Variants in KCNH2 observed in about 807,000 individuals in gnomAD.
KCNH2 encodes the protein potassium voltage-gated channel subfamily H member 2.
A neutral mutation model predicts 95.9 loss-of-function variants in KCNH2; 35 were observed. The observed-to-expected ratio is 0.37, with a 90% CI of 0.28 to 0.48. KCNH2 has a LOEUF of 0.48. KCNH2 is among the 20% of genes least tolerant of loss of function. The pLI, the probability that KCNH2 is intolerant of heterozygous loss-of-function variation, is 0.99. For synonymous variants in KCNH2, 786 were observed against 754.7 expected, an observed-to-expected ratio of 1.04 and a Z score of -0.68; for missense variants, 1,274 against 1,702.9, an observed-to-expected ratio of 0.75 and a Z score of 4.43.
chr7:150,947,717 G>T lies in KCNH2; in HGVS notation c.2854C>A (p.Pro952Thr), dbSNP rs753735368. The change falls in exon 12 of 15, where the codon CCC becomes ACC. Residue 952 changes from proline to threonine, a missense_variant. Physicochemically the swap from Pro to Thr is conservative, Grantham distance 38. Around this residue, in one of 7 missense-constraint regions of KCNH2, gnomAD observed 457 missense variants for 416.1 expected, o/e 1.10. Coordinates refer to ENST00000262186, the MANE Select transcript of KCNH2 (RefSeq NM_000238.4). The stretch of plus-strand genomic sequence containing the variant: ...CTGGAGAAGGGCACCAGGCGGAGGG[G>T]GCTGGAGCTGCGGCCTGGGCCCTCA... Reference protein sequence around the residue: ...EDEGPGRSSSPLRLVPFSSPR... With the variant: ...EDEGPGRSSSTLRLVPFSSPR... 6.3e-7 allele frequency: 1 copy of T among 1,577,626 alleles called. No individual in the cohort carries two copies. The highest frequency in any genetic ancestry group is 1.8e-5 in the Admixed American group (1 of 55,172).
At chr7:150,966,774 T>C (rs930471367) in intron 2 of KCNH2, among the ~76,000 whole-genome samples, 1 of 152,192 alleles carries the variant, frequency 6.6e-6, no homozygotes, top group South Asian at 2.1e-4. Context: ...AAGAACCCTG[T>C]TGGAGTCGGG....
intron 2 of KCNH2, among the ~76,000 whole-genome samples, chr7:150,963,428 A>G (rs1801620920): frequency 6.6e-6 from 1 of 152,160 alleles, no homozygotes; most frequent in Non-Finnish European, 1.5e-5. Flanking sequence ...GGCCTAAGAT[A>G]TGTGAAGCTC....
intron 5 of KCNH2, among the ~76,000 whole-genome samples, chr7:150,954,392 A>G (rs1485486060): frequency 6.6e-6 from 1 of 152,148 alleles, no homozygotes; most frequent in African/African-American, 2.4e-5. Context: ...AGGTGTCAGG[A>G]CCACCCCTAA....
At chr7:150,965,394 C>A (rs544592757) in intron 2 of KCNH2, among the ~76,000 whole-genome samples, 1 of 152,186 alleles carries the variant, frequency 6.6e-6, no homozygotes, top group Admixed American at 6.5e-5. Flanking sequence ...CTCTGGGGCC[C>A]GGCTCTGCCT....
At chr7:150,948,765 G>C (rs1466217941) in intron 10 of KCNH2, 91 bp downstream of exon 10, 9 of 1,248,904 alleles carry the variant, frequency 7.2e-6, no homozygotes, top group East Asian at 7.2e-5. Context: ...AACTGAGACA[G>C]AGAAGCATCA....
chr7:150,947,806 C>G lies in KCNH2; in HGVS notation c.2765G>C (p.Arg922Pro), dbSNP rs199473439. 1.3e-6 allele frequency: 2 copies of G among 1,530,800 alleles called. No homozygotes were observed. The highest frequency in any genetic ancestry group is 1.7e-6 in the Non-Finnish European group (2 of 1,143,692). 94.8% of individuals were successfully genotyped at this position (1,530,800 alleles called of 1,614,324 possible). ...RAGAGPSSRG[R>P]PGGPWGESPS... ...GCTCTCCCCCCACGGCCCCCCCGGC[C>G]GGCCCCGGCTACTCGGCCCTGCCCC... is the stretch of plus-strand genomic sequence containing the variant. Residue 922 changes from arginine (R) to proline (P), a missense_variant, in exon 12 of 15, where the codon CGG (arginine) becomes CCG (proline). Physicochemically the swap from Arg to Pro is moderately radical, Grantham distance 103 (BLOSUM62 -2). This residue lies in a region of KCNH2 where 457 missense variants were observed against 416.1 expected (regional missense o/e 1.10). Transcript: ENST00000262186.
In KCNH2 at chr7:150,952,903, G is replaced by A. The variant is rs780198750; in HGVS notation, c.1129-50C>T. On this transcript the variant is annotated intron_variant, in intron 5 of 14. Transcript: ENST00000262186. This position sits in a 1 kb window ranked among gnomAD's most constrained non-coding sequence, Gnocchi z 7.3. ...TGGGTGAGGCAGGCCATGGGACCTC[G>A]GGGGCAGGAGCGATGACATCTCTGC... 2.9e-5 allele frequency: 45 copies of A among 1,568,832 alleles called. No individual in the cohort carries two copies. The highest frequency in any genetic ancestry group is 1.1e-4 in the South Asian group (10 of 90,008).
chr7:150,959,576 G>C lies in KCNH2; in HGVS notation c.468C>G (p.Ala156=). Residue 156 remains alanine, a synonymous_variant, in exon 3 of 15, where the codon GCC becomes GCG. Transcript: ENST00000262186. ...CCCTAAAGCAAGTACACTTACCTGG[G>C]GCCAGCCAGCTGGTGGGGGGGCCCC... ...NHRGPPTSWL[A]PGRAKTFRLK... The C allele has an allele frequency of 6.2e-7, 1 of 1,614,058 alleles. No homozygotes were observed. Among genetic ancestry groups the C allele is most frequent in the African/African-American group, 1.3e-5 (1 of 75,048 alleles).
Position 150,947,692 on chromosome 7 carries a change from C to T in KCNH2, c.2879G>A (p.Ser960Asn), listed in dbSNP as rs199473013. ...SSPLRLVPFS[S>N]PRPPGEPPGG... ...CGGCGGCTCTCCGGGGGGCCTGGGG[C>T]TGGAGAAGGGCACCAGGCGGAGGGG... The change falls in exon 12 of 15, where the codon AGC becomes AAC. Residue 960 changes from serine (S) to asparagine (N), a missense_variant. Transcript: ENST00000262186. 6.3e-7 allele frequency: 1 copy of T among 1,597,948 alleles called. No individual in the cohort carries two copies. Among genetic ancestry groups the T allele is most frequent in the South Asian group, 1.1e-5 (1 of 88,928 alleles).
rs78690808 is a variant in KCNH2, at chr7:150,957,069, T to C, written c.1128+222A>G. ...CCTCCGCTCTGCCATTCCCAGCCCTTTACCAGACCTCTCCAGTCCCCTCTC... is the reference window on the plus strand; with the variant it reads ...CCTCCGCTCTGCCATTCCCAGCCCTCTACCAGACCTCTCCAGTCCCCTCTC... On this transcript the variant is annotated intron_variant, in intron 5 of 14. Transcript: ENST00000262186. Among the ~76,000 whole-genome samples, 863 of 152,180 alleles carry C rather than the reference T, an allele frequency of 5.7e-3. 6 individuals are homozygous for C. Among genetic ancestry groups the C allele is most frequent in the Non-Finnish European group, 9.9e-3 (670 of 67,988 alleles).
In KCNH2 at chr7:150,946,260, G is replaced by C. The variant is rs547084567; in HGVS notation, c.3330+617C>G. Among the ~76,000 whole-genome samples, 2 of 152,288 alleles carry C rather than the reference G, an allele frequency of 1.3e-5. No individual in the cohort carries two copies. The highest frequency in any genetic ancestry group is 4.1e-4 in the South Asian group (2 of 4,828). On this transcript the variant is annotated intron_variant, in intron 14 of 14. Transcript: ENST00000262186. The surrounding 1 kb of genome is among the most constrained non-coding windows in gnomAD (Gnocchi z 6.5). ...GAACATGCAGGTCCACCCAGGAGAG[G>C]ACAAGGGGCAACTAAGGCCCATCTC...
intron 5 of KCNH2, chr7:150,955,902 G>T: frequency 2.1e-6 from 2 of 939,144 alleles, no homozygotes; most frequent in Non-Finnish European, 2.5e-6. Context: ...CCAGCCAGCG[G>T]CCCCCTCCCC....
At chr7:150,957,542 GC>G in intron 4 of KCNH2, 40 bp from the exon 5 acceptor site, 3 of 1,517,036 alleles carry the variant, frequency 2.0e-6, no homozygotes, top group Non-Finnish European at 2.7e-6. Context: ...GCAGCCCAGG[GC>G]CCCAGGCCAG....
intron 2 of KCNH2, among the ~76,000 whole-genome samples, chr7:150,973,484 T>C (rs979536699): frequency 2.0e-5 from 3 of 152,226 alleles, no homozygotes; most frequent in Non-Finnish European, 4.4e-5. Flanking sequence ...GTCTAGCCCC[T>C]AGAAACCATC....
intron 2 of KCNH2, among the ~76,000 whole-genome samples, chr7:150,970,771 G>A (rs1563185292): frequency 6.6e-6 from 1 of 152,204 alleles, no homozygotes; most frequent in African/African-American, 2.4e-5. Context: ...TAGGAACACC[G>A]CTGTCCCCAT....
At chr7:150,963,459 C>T (rs908892206) in intron 2 of KCNH2, among the ~76,000 whole-genome samples, 1 of 152,122 alleles carries the variant, frequency 6.6e-6, no homozygotes, top group Middle Eastern at 3.2e-3. Flanking sequence ...TTGAGGTCAC[C>T]ATAAGCTTGA....
In KCNH2 at chr7:150,945,579, G is replaced by A; in HGVS notation, c.3331-65C>T. The A allele has an allele frequency of 1.3e-6, 2 of 1,509,512 alleles. No homozygotes were observed. Among genetic ancestry groups the A allele is most frequent in the Non-Finnish European group, 9.0e-7 (1 of 1,108,822 alleles). 93.5% of individuals were successfully genotyped at this position (1,509,512 alleles called of 1,614,324 possible). A position where few individuals can be genotyped will look rare whatever the true frequency, so the allele number is the denominator to read the frequency against. On this transcript the variant is annotated intron_variant, in intron 14 of 14. Transcript: ENST00000262186. The surrounding 1 kb of genome is among the most constrained non-coding windows in gnomAD (Gnocchi z 5.6). ...GGAGGAGGAGGAAGGGGAGGGAAAG[G>A]GGCAGGAGAACCCGGGGACAGAGGA...
Position 150,952,289 on chromosome 7 carries a change from T to TC in KCNH2, c.1557+135dup. ...TGCAGCTGCCTTGCCACCATGTCTC[T>TC]CTCCCACTGTCTTTCTCTCTTTCTC... On this transcript the variant is annotated intron_variant, in intron 6 of 14. Coordinates refer to ENST00000262186, the MANE Select transcript of KCNH2 (RefSeq NM_000238.4). This position sits in a 1 kb window ranked among gnomAD's most constrained non-coding sequence, Gnocchi z 7.3. 6.8e-6 allele frequency: 7 copies of TC among 1,023,592 alleles called. No individual in the cohort carries two copies. Among genetic ancestry groups the TC allele is most frequent in the Non-Finnish European group, 8.8e-6 (6 of 682,724 alleles). 63.4% of individuals were successfully genotyped at this position (1,023,592 alleles called of 1,614,324 possible).
rs946598156 is a variant in KCNH2 at position 150,946,317 on chromosome 7, C to T, written c.3330+560G>A. The stretch of plus-strand genomic sequence containing the variant: ...AGGGGGCAAAGCAGGCCCAGGAAGT[C>T]CTCCCCTGGAGGCTTGGCCTCTGCA... On this transcript the variant is annotated intron_variant, in intron 14 of 14. Coordinates refer to ENST00000262186, the MANE Select transcript of KCNH2 (RefSeq NM_000238.4). The surrounding 1 kb of genome is among the most constrained non-coding windows in gnomAD (Gnocchi z 6.5). Among the ~76,000 whole-genome samples, 24 of 152,288 alleles carry T rather than the reference C, an allele frequency of 1.6e-4. 3 individuals carry two copies. In the South Asian group the frequency reaches 2.3e-3, roughly 14 times the overall value.
Sources: gnomAD v4.1 joint callset for allele counts (sites outside exome capture counted in the v4.1 genomes callset) on GRCh38, gnomAD v4.1.1 for gene constraint, gnomAD v4.1.1 regional missense constraint, Gnocchi (gnomAD v3.1) non-coding constraint, MANE v1.5 for transcripts, NCBI Gene and HGNC (gene_info 2026-07-23, HGNC 2026-07-21) for gene names.